PRMT7: variants seen among roughly 807,000 people sequenced by gnomAD.
PRMT7 encodes the protein protein arginine methyltransferase 7.
In PRMT7, 75 loss-of-function variants were observed where a neutral mutation model predicts 85.4. That is an observed-to-expected ratio of 0.88 (90% CI 0.73 to 1.06). The LOEUF is 1.06. Ranked by LOEUF, PRMT7 falls within the 50% of genes least tolerant of loss-of-function variation. PRMT7 has a pLI of 0.00. For synonymous variants in PRMT7, 397 were observed against 359.5 expected, an observed-to-expected ratio of 1.10 and a Z score of -1.18; for missense variants, 868 against 915.2, an observed-to-expected ratio of 0.95 and a Z score of 0.67.
intron 14 of PRMT7, 41 bp downstream of exon 14, chr16:68,348,472 G>T: frequency 6.6e-7 from 1 of 1,525,950 alleles, no homozygotes; most frequent in South Asian, 1.1e-5. Context: ...GGCTGTGTTA[G>T]GGTGGTCAGC....
chr16:68,331,596 T>C (rs1443727148), intron 6 of PRMT7, among the ~76,000 whole-genome samples: 2 of 151,688 alleles, frequency 1.3e-5, no homozygotes, highest in African/African-American at 4.8e-5. Flanking sequence ...GCCTCCTGTG[T>C]AGCTGGGACC....
At chr16:68,316,987 C>T (rs1457174109) in intron 3 of PRMT7, 3 of 7,950 alleles carry the variant, frequency 3.8e-4, no homozygotes, top group Non-Finnish European at 7.2e-4. Context: ...AAAGGGCGGG[C>T]GGGCGGGCGG....
intron 13 of PRMT7, 88 bp from the exon 14 acceptor site, chr16:68,348,254 C>T (rs916905461): frequency 1.9e-5 from 21 of 1,103,604 alleles, no homozygotes; most frequent in Admixed American, 8.2e-5. Context: ...AAATTCAAAG[C>T]GGAGAATGCA....
At position 68,339,418 on chromosome 16, in the gene PRMT7, G is replaced by T; in HGVS notation, c.601G>T (p.Val201Leu). ...WSWNKLFPIH[V>L]QTSLGEQVIV... ...GTGGAACAAGCTATTTCCCATCCAC[G>T]TGCAGACCAGCCTCGGAGAGCAGGT... Residue 201 changes from valine to leucine, a missense_variant, in exon 8 of 19, where the codon GTG (valine) becomes TTG (leucine). Coordinates refer to ENST00000441236, the MANE Select transcript of PRMT7 (RefSeq NM_019023.5). 6.2e-7 allele frequency: 1 copy of T among 1,614,178 alleles called. No individual in the cohort carries two copies. Among genetic ancestry groups the T allele is most frequent in the South Asian group, 1.1e-5 (1 of 91,082 alleles).
At chr16:68,311,264 G>A (rs1477376897) in intron 1 of PRMT7, 165 bp downstream of exon 1, 3 of 427,350 alleles carry the variant, frequency 7.0e-6, no homozygotes, top group Non-Finnish European at 1.3e-5. Context: ...GGAGAGCGGG[G>A]TTCTAGGCTG....
At chr16:68,333,481 C>CAAAA (rs892258971) in intron 6 of PRMT7, among the ~76,000 whole-genome samples, 1 of 90,930 alleles carries the variant, frequency 1.1e-5, no homozygotes. Flanking sequence ...AATTCTGGCT[C>CAAAA]AAAAAAAAAA....
rs1472938584 is a variant in PRMT7 at position 68,311,054 on chromosome 16, G to A, written c.-264G>A. ...GGTCCCGCCCCGCGTGCTGGCCGCG[G>A]TAAAAGTGGTAGCAGCGGAGGCGAG... is the stretch of plus-strand genomic sequence containing the variant. On this transcript the variant is annotated 5_prime_UTR_variant, in exon 1 of 19. Transcript: ENST00000441236. 2 of 858,972 alleles carry A rather than the reference G, an allele frequency of 2.3e-6. No homozygotes were observed. The highest frequency in any genetic ancestry group is 2.6e-5 in the East Asian group (1 of 37,928). The allele number at this position is 858,972 out of a possible 1,614,324, so 53.2% of individuals were successfully genotyped here. A position where few individuals can be genotyped will look rare whatever the true frequency, so the allele number is the denominator to read the frequency against.
In PRMT7 at chr16:68,357,253, G is replaced by A. The variant is rs1301341106; in HGVS notation, c.*29G>A. 6.3e-7 allele frequency: 1 copy of A among 1,587,234 alleles called. No homozygotes were observed. Among genetic ancestry groups the A allele is most frequent in the Non-Finnish European group, 8.6e-7 (1 of 1,165,120 alleles). Reference sequence around the variant, plus strand: ...CTCTTGAGCAATAAAGTGGCCTGAGGGCTGGGGTTCTGAGTGGCTCATGGC... The same window carrying A: ...CTCTTGAGCAATAAAGTGGCCTGAGAGCTGGGGTTCTGAGTGGCTCATGGC... On this transcript the variant is annotated 3_prime_UTR_variant, in exon 19 of 19. Transcript: ENST00000441236.
rs745954149 is a variant in PRMT7 at position 68,352,320 on chromosome 16, G to A, written c.1486G>A (p.Val496Met). The change falls in exon 15 of 19, where the codon GTG (valine) becomes ATG (methionine). Residue 496 changes from valine (V) to methionine (M), a missense_variant. Coordinates refer to ENST00000441236, the MANE Select transcript of PRMT7 (RefSeq NM_019023.5). ...LPWHNLYFWY[V>M]RTAVDQHLGP... ...GTGGCACAACCTCTACTTCTGGTAC[G>A]TGCGGACCGCTGTGGACCAGCACCT... 22 of 1,613,034 alleles carry A rather than the reference G, an allele frequency of 1.4e-5. No individual in the cohort carries two copies. The highest frequency in any genetic ancestry group is 2.2e-5 in the South Asian group (2 of 91,086).
At chr16:68,342,183 CAGG>C (rs2085648820) in intron 9 of PRMT7, among the ~76,000 whole-genome samples, 1 of 152,078 alleles carries the variant, frequency 6.6e-6, no homozygotes, top group South Asian at 2.1e-4. Context: ...GAGGCTGAGG[CAGG>C]AGAATTGCTT....
chr16:68,325,284 C>G (rs777985874), intron 5 of PRMT7, among the ~76,000 whole-genome samples: 1 of 152,118 alleles, frequency 6.6e-6, no homozygotes, highest in Non-Finnish European at 1.5e-5. Context: ...CTCTTGAGCC[C>G]GGAAAGTCAA....
chr16:68,333,074 G>C (rs1430630408), intron 6 of PRMT7, among the ~76,000 whole-genome samples: 1 of 152,060 alleles, frequency 6.6e-6, no homozygotes, highest in Non-Finnish European at 1.5e-5. Context: ...GCTCACTGCA[G>C]CCTCGACTTC....
intron 18 of PRMT7, 31 bp downstream of exon 18, chr16:68,356,828 T>G (rs763115967): frequency 6.3e-7 from 1 of 1,580,688 alleles, no homozygotes; most frequent in Non-Finnish European, 8.6e-7. Flanking sequence ...CCAGTGTGCG[T>G]GCAGACCCTG....
rs933909432 is a variant in PRMT7, at chr16:68,353,664, G to C, written c.1650+98G>C. 16 of 1,152,788 alleles carry C rather than the reference G, an allele frequency of 1.4e-5. No individual in the cohort carries two copies. The African/African-American group carries it at 2.4e-4, about 17-fold the overall frequency. 71.4% of individuals were successfully genotyped at this position (1,152,788 alleles called of 1,614,324 possible). A position where few individuals can be genotyped will look rare whatever the true frequency, so the allele number is the denominator to read the frequency against. On this transcript the variant is annotated intron_variant, in intron 16 of 18. Coordinates refer to ENST00000441236, the MANE Select transcript of PRMT7 (RefSeq NM_019023.5). ...TTGGGCAGCACAGGCTCTTCTGTTG[G>C]GGGCAGTGAGGTCAGGTGCTGCCAT...
chr16:68,321,505 G>T, intron 4 of PRMT7, 43 bp downstream of exon 4: 1 of 1,544,492 alleles, frequency 6.5e-7, no homozygotes, highest in South Asian at 1.1e-5. Context: ...GGGGTGTTTT[G>T]AAGTCTTGGA....
chr16:68,355,430 G>A, intron 16 of PRMT7: 1 of 282,240 alleles, frequency 3.5e-6, no homozygotes, highest in East Asian at 6.2e-5. Flanking sequence ...TCTAGGTGCT[G>A]GGTGTTCTCA....
chr16:68,314,488 T>G (rs984844061), intron 2 of PRMT7, among the ~76,000 whole-genome samples: 1 of 152,252 alleles, frequency 6.6e-6, no homozygotes, highest in Admixed American at 6.5e-5. Context: ...TGCCTTGGCC[T>G]CCCAAAGTGC....
Position 68,356,725 on chromosome 16 carries a change from G to A in PRMT7, c.1836G>A (p.Val612=). 4 of 1,611,934 alleles carry A rather than the reference G, an allele frequency of 2.5e-6. No individual in the cohort carries two copies. The highest frequency in any genetic ancestry group is 2.5e-6 in the Non-Finnish European group (3 of 1,179,854). The change falls in exon 18 of 19, where the codon GTG becomes GTA. Residue 612 remains valine (V), a synonymous_variant. Transcript: ENST00000441236. ...LRRPGQSHAA[V]LWMEYHLTPE... ...GGCCCGGGCAGAGCCACGCAGCGGT[G>A]CTATGGATGGAGTACCACCTGACCC...
At chr16:68,324,014 C>T (rs1194236918) in intron 4 of PRMT7, 1 of 152,196 alleles carries the variant, frequency 6.6e-6, no homozygotes, top group Non-Finnish European at 1.5e-5. Flanking sequence ...GGAAAACAAG[C>T]CATACATATT....
Sources: gnomAD v4.1 joint callset for allele counts (sites outside exome capture counted in the v4.1 genomes callset) on GRCh38, gnomAD v4.1.1 for gene constraint, MANE v1.5 for transcripts, NCBI Gene and HGNC (gene_info 2026-07-23, HGNC 2026-07-21) for gene names.